Variants in GMNC observed in about 807,000 individuals in gnomAD.
The protein encoded by GMNC is geminin coiled-coil domain-containing protein 1.
A neutral mutation model predicts 33.6 loss-of-function variants in GMNC; 16 were observed. The observed-to-expected ratio is 0.48, with a 90% CI of 0.32 to 0.72. The LOEUF (loss-of-function observed/expected upper bound fraction) is 0.72, where lower values mean the gene tolerates loss of function less well. Ranked by LOEUF, GMNC falls within the 30% of genes least tolerant of loss-of-function variation. GMNC has a pLI of 0.03. For synonymous variants in GMNC, 156 were observed against 147.3 expected (o/e 1.06, Z -0.43); for missense variants, 393 against 388.9 (o/e 1.01, Z -0.09).
Position 190,855,643 on chromosome 3 carries a change from G to A in GMNC, c.657C>T (p.Val219=), listed in dbSNP as rs995010254. ...CCGGAAACTGGGAAAATGTGCTGGCGACTCTTCTGGGATGAGATGCGAGGG... is the reference window on the plus strand; with the variant it reads ...CCGGAAACTGGGAAAATGTGCTGGCAACTCTTCTGGGATGAGATGCGAGGG... ...YSALASHPRR[V]ASTFSQFPDD... The change falls in exon 5 of 5, where the codon GTC becomes GTT. Residue 219 remains valine, a synonymous_variant. Transcript: ENST00000442080. 35 of 1,551,360 alleles carry A rather than the reference G, an allele frequency of 2.3e-5. No homozygotes were observed. The highest frequency in any genetic ancestry group is 1.7e-4 in the Middle Eastern group (1 of 6,014).
At chr3:190,850,977 A>T (rs1737625074), downstream of GMNC, among the ~76,000 whole-genome samples, 2 of 152,084 alleles carry the variant, frequency 1.3e-5, no homozygotes, top group Admixed American at 1.3e-4. Flanking sequence ...AAGGAAAAAA[A>T]AATACCACTG....
chr3:190,849,135 C>T (rs1447476054), downstream of GMNC, among the ~76,000 whole-genome samples: 1 of 152,160 alleles, frequency 6.6e-6, no homozygotes, highest in Non-Finnish European at 1.5e-5. Context: ...AAGCAGCCTG[C>T]TAATTACAAC....
Position 190,855,491 on chromosome 3 carries a change from GA to G in GMNC, c.808del (p.Ser270GlnfsTer7). ...AGTTTTCAGCCCCACTGGGGGATTT[GA>G]AAGTTGAGAAAGGATGTGGAAATCT... is the stretch of plus-strand genomic sequence containing the variant. ...GEDFHILSQL[S>X]NPPVGLKTLP... On this transcript the variant is annotated frameshift_variant, in exon 5 of 5. Coordinates refer to ENST00000442080, the MANE Select transcript of GMNC (RefSeq NM_001146686.3). LOFTEE classifies it high-confidence loss of function. 6.4e-7 allele frequency: 1 copy of G among 1,551,874 alleles called. No homozygotes were observed. Among genetic ancestry groups the G allele is most frequent in the Non-Finnish European group, 8.7e-7 (1 of 1,146,962 alleles).
chr3:190,857,896 G>C lies in GMNC; in HGVS notation c.271C>G (p.Gln91Glu). 1.3e-6 allele frequency: 2 copies of C among 1,533,256 alleles called. No individual in the cohort carries two copies. Among genetic ancestry groups the C allele is most frequent in the Non-Finnish European group, 1.8e-6 (2 of 1,130,154 alleles). The allele number at this position is 1,533,256 out of a possible 1,614,324, so 95.0% of individuals were successfully genotyped here. A position where few individuals can be genotyped will look rare whatever the true frequency, so the allele number is the denominator to read the frequency against. ...SSQLYRNKQL[Q>E]DTLVQKEEEL... ...TCTTCCTTCTGCACCAGGGTATCTT[G>C]CAGCTACAAAAAGCAGACAGTGGTG... Residue 91 changes from glutamine (Q) to glutamate (E), a missense_variant, in exon 4 of 5, where the codon CAA becomes GAA. Coordinates refer to ENST00000442080, the MANE Select transcript of GMNC (RefSeq NM_001146686.3).
chr3:190,859,031 A>C lies in GMNC; in HGVS notation c.179-15T>G. 7.0e-7 allele frequency: 1 copy of C among 1,436,752 alleles called. No individual in the cohort carries two copies. The highest frequency in any genetic ancestry group is 9.6e-7 in the Non-Finnish European group (1 of 1,043,956). The allele number at this position is 1,436,752 out of a possible 1,614,324, so 89.0% of individuals were successfully genotyped here. A position where few individuals can be genotyped will look rare whatever the true frequency, so the allele number is the denominator to read the frequency against. ...ACTGAATGATTCTGTGAAAATACAA[A>C]TAGATAACTGAGAAAATAATCTTGT... On this transcript the variant is annotated splice_polypyrimidine_tract_variant and intron_variant, in intron 2 of 4. Transcript: ENST00000442080.
At chr3:190,849,324 T>C (rs1267552243), downstream of GMNC, among the ~76,000 whole-genome samples, 1 of 151,980 alleles carries the variant, frequency 6.6e-6, no homozygotes, top group Non-Finnish European at 1.5e-5. Flanking sequence ...CCTGGCACTG[T>C]GCAGATGCCA....
In GMNC at chr3:190,861,455, C is replaced by CATCA. The variant is rs1553787543; in HGVS notation, c.4-598_4-597insTGAT. 2.2e-4 allele frequency among the ~76,000 whole-genome samples: 32 copies of CATCA among 145,896 alleles called. No homozygotes were observed. Among genetic ancestry groups the CATCA allele is most frequent in the Non-Finnish European group, 3.9e-4 (26 of 66,462 alleles). On this transcript the variant is annotated intron_variant, in intron 1 of 4. Coordinates refer to ENST00000442080, the MANE Select transcript of GMNC (RefSeq NM_001146686.3). This position sits in a 1 kb window ranked among gnomAD's most constrained non-coding sequence, Gnocchi z 5.1. ...TCTGTCTGTCTGTCTGTCTGCCTAT[C>CATCA]ATCTATCTATCTATCTATCTATCTA...
chr3:190,845,278 G>A, the GMNC span, among the ~76,000 whole-genome samples: 1 of 152,070 alleles, frequency 6.6e-6, no homozygotes. Flanking sequence ...ATCAATGTAA[G>A]ATTTTGCAAC....
the GMNC span, among the ~76,000 whole-genome samples, chr3:190,844,145 C>A: frequency 3.3e-5 from 5 of 152,058 alleles, no homozygotes; most frequent in Non-Finnish European, 7.4e-5. Flanking sequence ...TTTGACAATT[C>A]TTTGCTTTAG....
downstream of GMNC, among the ~76,000 whole-genome samples, chr3:190,849,055 C>A (rs1577907563): frequency 6.6e-6 from 1 of 152,144 alleles, no homozygotes; most frequent in Non-Finnish European, 1.5e-5. Flanking sequence ...GAGTCACCAG[C>A]CATTTTTACT....
chr3:190,847,706 ACTCT>A, the GMNC span, among the ~76,000 whole-genome samples: 5,658 of 151,454 alleles, frequency 0.037, 355 homozygotes, highest in African/African-American at 0.13. Flanking sequence ...TCTTCACATG[ACTCT>A]CTTGCATACC....
At chr3:190,843,680 A>T in the GMNC span, among the ~76,000 whole-genome samples, 1 of 152,058 alleles carries the variant, frequency 6.6e-6, no homozygotes, top group Non-Finnish European at 1.5e-5. Context: ...TCCACACAAA[A>T]TTCTTCTCAT....
Position 190,861,459 on chromosome 3 carries a change from T to A in GMNC, c.4-601A>T, listed in dbSNP as rs533805396. ...TCTGTCTGTCTGTCTGCCTATCATC[T>A]ATCTATCTATCTATCTATCTATCTA... On this transcript the variant is annotated intron_variant, in intron 1 of 4. Transcript: ENST00000442080. This position sits in a 1 kb window ranked among gnomAD's most constrained non-coding sequence, Gnocchi z 5.1. Among the ~76,000 whole-genome samples the A allele has an allele frequency of 3.5e-3, 197 of 55,796 alleles. No individual in the cohort carries two copies. The highest frequency in any genetic ancestry group is 4.4e-3 in the Non-Finnish European group (107 of 24,586). 36.6% of individuals were successfully genotyped at this position (55,796 alleles called of 152,430 possible).
At chr3:190,847,376 C>G in the GMNC span, among the ~76,000 whole-genome samples, 2 of 152,162 alleles carry the variant, frequency 1.3e-5, no homozygotes, top group African/African-American at 4.8e-5. Context: ...TTTGCCTTGA[C>G]CATTTCTCAC....
intron 2 of GMNC, among the ~76,000 whole-genome samples, chr3:190,859,371 A>T (rs2108532954): frequency 6.6e-6 from 1 of 152,242 alleles, no homozygotes; most frequent in Admixed American, 6.5e-5. Flanking sequence ...TCGGCATAAC[A>T]TTGTAATTCC....
At chr3:190,858,114 A>G in intron 3 of GMNC, 1 of 543,902 alleles carries the variant, frequency 1.8e-6, no homozygotes, top group Non-Finnish European at 3.3e-6. Flanking sequence ...TTCATTGCAA[A>G]GCATTTGGAG....
chr3:190,846,754 A>C, the GMNC span, among the ~76,000 whole-genome samples: 1 of 152,170 alleles, frequency 6.6e-6, no homozygotes, highest in Admixed American at 6.5e-5. Flanking sequence ...GTTTATTGGG[A>C]GACCTCTATT....
At chr3:190,850,106 T>C (rs1289202944), downstream of GMNC, among the ~76,000 whole-genome samples, 2 of 152,214 alleles carry the variant, frequency 1.3e-5, no homozygotes, top group Non-Finnish European at 2.9e-5. Flanking sequence ...AATTTCTCTC[T>C]TTTGAAATGA....
the GMNC span, among the ~76,000 whole-genome samples, chr3:190,846,208 A>T: frequency 5.3e-5 from 8 of 152,074 alleles, no homozygotes; most frequent in African/African-American, 1.9e-4. Context: ...AACCTGGGTG[A>T]CAGAGTGAGA....
Sources: gnomAD v4.1 joint callset for allele counts (sites outside exome capture counted in the v4.1 genomes callset) on GRCh38, gnomAD v4.1.1 for gene constraint, Gnocchi (gnomAD v3.1) non-coding constraint, MANE v1.5 for transcripts, NCBI Gene and HGNC (gene_info 2026-07-23, HGNC 2026-07-21) for gene names.